The following CHN2 variants were observed in gnomAD, a reference collection of about 807,000 sequenced individuals.
The protein encoded by CHN2 is chimerin 2.
CHN2 carries 35 observed loss-of-function variants against 56.3 expected under a neutral mutation model. The ratio of observed to expected loss-of-function variants is 0.62; its 90% confidence interval spans 0.47 to 0.82. The LOEUF is 0.82. CHN2 is among the 40% of genes least tolerant of loss of function. The pLI is 0.00. For synonymous variants in CHN2, 210 were observed against 212.8 expected (o/e 0.99, Z 0.12); for missense variants, 491 against 580.5 (o/e 0.85, Z 1.58).
At chr7:29,484,082 A>G (rs911386972) in intron 7 of CHN2, 1 of 412,798 alleles carries the variant, frequency 2.4e-6, no homozygotes, top group African/African-American at 2.1e-5. Context: ...TCTCTTCTTC[A>G]TGGCTTTTTT....
intron 1 of CHN2, among the ~76,000 whole-genome samples, chr7:29,329,991 C>G (rs1448656181): frequency 6.6e-6 from 1 of 152,144 alleles, no homozygotes; most frequent in Non-Finnish European, 1.5e-5. Flanking sequence ...TGTTAATTCT[C>G]TTTTTATGCT....
intron 1 of CHN2, among the ~76,000 whole-genome samples, chr7:29,296,346 A>G (rs576333388): frequency 6.6e-6 from 1 of 152,318 alleles, no homozygotes; most frequent in South Asian, 2.1e-4. Flanking sequence ...TGGCCTCCCA[A>G]AGTGCTGGGA....
chr7:29,401,013 C>G, intron 6 of CHN2, 185 bp downstream of exon 6: 2 of 616,996 alleles, frequency 3.2e-6, no homozygotes, highest in South Asian at 4.1e-5. Context: ...GTGGCTCATG[C>G]CTGTAATCTC....
rs1801948626 is a variant in CHN2 at position 29,398,558 on chromosome 7, A to G, written c.290+72A>G. 7.4e-6 allele frequency: 7 copies of G among 944,870 alleles called. No individual in the cohort carries two copies. The Admixed American group carries it at 1.2e-4, about 17-fold the overall frequency. 58.5% of individuals were successfully genotyped at this position (944,870 alleles called of 1,614,324 possible). Reference sequence around the variant, plus strand: ...CACTGATGTTTGCCCATTTTTAAGAATTGTAGCAGAGTATACATAACACAA... The same window carrying G: ...CACTGATGTTTGCCCATTTTTAAGAGTTGTAGCAGAGTATACATAACACAA... On this transcript the variant is annotated intron_variant, in intron 5 of 12. Coordinates refer to ENST00000222792, the MANE Select transcript of CHN2 (RefSeq NM_004067.4).
chr7:29,258,143 G>C (rs12112384), intron 1 of CHN2, among the ~76,000 whole-genome samples: 2,467 of 151,958 alleles, frequency 0.016, 64 homozygotes, highest in African/African-American at 0.057. Context: ...ACAGATTTTT[G>C]GTGGTCCCTA....
intron 1 of CHN2, among the ~76,000 whole-genome samples, chr7:29,302,273 T>TTCC (rs34157871): frequency 0.7 from 106,494 of 151,236 alleles, 37,648 homozygotes; most frequent in African/African-American, 0.76. Context: ...CTCCCTCTTC[T>TTCC]TCCTCCTCTT....
At chr7:29,251,628 C>T (rs1432786560) in intron 1 of CHN2, among the ~76,000 whole-genome samples, 1 of 152,084 alleles carries the variant, frequency 6.6e-6, no homozygotes, top group Non-Finnish European at 1.5e-5. Context: ...AACACTTACA[C>T]AGAATTTCAG....
intron 1 of CHN2, among the ~76,000 whole-genome samples, chr7:29,314,840 GTTTA>G (rs1585037331): frequency 1.3e-5 from 2 of 151,376 alleles, no homozygotes; most frequent in African/African-American, 2.4e-5. Context: ...CTTATAAGCT[GTTTA>G]TTTATGTTTA....
intron 2 of CHN2, among the ~76,000 whole-genome samples, chr7:29,175,118 C>G (rs934241954): frequency 6.6e-6 from 1 of 151,842 alleles, no homozygotes; most frequent in African/African-American, 2.4e-5. Context: ...GTGCTTCCCC[C>G]ATACTGTTCT....
In CHN2 at chr7:29,512,945, T is replaced by G. The variant is rs1791663997; in HGVS notation, c.*210T>G. Reference sequence around the variant, plus strand: ...GTGAAGGTGAGGGAAGCCCCTCACCTTGGGTCTTTTGCTGTGCCTCCTATG... The same window carrying G: ...GTGAAGGTGAGGGAAGCCCCTCACCGTGGGTCTTTTGCTGTGCCTCCTATG... On this transcript the variant is annotated 3_prime_UTR_variant, in exon 13 of 13. Transcript: ENST00000222792. 1 of 476,122 alleles carries G rather than the reference T, an allele frequency of 2.1e-6. No homozygotes were observed. The highest frequency in any genetic ancestry group is 3.8e-5 in the Admixed American group (1 of 26,400). The allele number at this position is 476,122 out of a possible 1,614,324, so 29.5% of individuals were successfully genotyped here. A position where few individuals can be genotyped will look rare whatever the true frequency, so the allele number is the denominator to read the frequency against.
rs144015556 is a variant in CHN2 at position 29,310,827 on chromosome 7, C to A, written c.50-43798C>A. On this transcript the variant is annotated intron_variant, in intron 1 of 12. Transcript: ENST00000222792. ...ATTTCTGGGGGCTCCACCCTCATGA[C>A]CTAATCATCTCCCAAAAGCCCCTCC... Among the ~76,000 whole-genome samples the A allele has an allele frequency of 2.3e-3, 344 of 152,274 alleles. 1 individual carries two copies. Among genetic ancestry groups the A allele is most frequent in the African/African-American group, 8.0e-3 (332 of 41,548 alleles).
upstream of CHN2, among the ~76,000 whole-genome samples, chr7:29,190,336 A>G (rs1782730294): frequency 6.6e-6 from 1 of 152,142 alleles, no homozygotes; most frequent in South Asian, 2.1e-4. Context: ...CCACCACTGG[A>G]TTAATCTTGA....
At chr7:29,387,624 G>A (rs1167777600) in intron 3 of CHN2, among the ~76,000 whole-genome samples, 1 of 152,184 alleles carries the variant, frequency 6.6e-6, no homozygotes, top group Admixed American at 6.5e-5. Context: ...TGCTGGCCCC[G>A]TGATCACACT....
In CHN2 at chr7:29,361,054, G is replaced by A. The variant is rs903116679; in HGVS notation, c.88+6391G>A. On this transcript the variant is annotated intron_variant, in intron 2 of 12. Transcript: ENST00000222792. ...TTCTCTGGTGTGCGGCAGAGGGCCC[G>A]GGGCTGGGAATTCCTGGCACATATT... 4.6e-5 allele frequency among the ~76,000 whole-genome samples: 7 copies of A among 152,188 alleles called. No individual in the cohort carries two copies. The East Asian group carries it at 5.8e-4, about 13-fold the overall frequency.
At chr7:29,480,248 GC>G (rs1787028000) in intron 6 of CHN2, 30 bp from the exon 7 acceptor site, 1 of 1,614,016 alleles carries the variant, frequency 6.2e-7, no homozygotes, top group Non-Finnish European at 8.5e-7. Context: ...GCTTTCTTTG[GC>G]CCCCTCTCAA....
chr7:29,216,222 G>A (rs1785328737), intron 1 of CHN2, among the ~76,000 whole-genome samples: 1 of 152,220 alleles, frequency 6.6e-6, no homozygotes. Flanking sequence ...AATTTCCAGA[G>A]ACATGGAGAC....
At chr7:29,490,172 C>T (rs1022558620) in intron 7 of CHN2, among the ~76,000 whole-genome samples, 3 of 151,474 alleles carry the variant, frequency 2.0e-5, no homozygotes, top group Non-Finnish European at 2.9e-5. Context: ...AACCTAAGCC[C>T]ACCTTCATTG....
chr7:29,210,858 A>G (rs1784862956), intron 1 of CHN2, among the ~76,000 whole-genome samples: 1 of 152,074 alleles, frequency 6.6e-6, no homozygotes, highest in Admixed American at 6.5e-5. Flanking sequence ...GCAGAGTCCC[A>G]ATGCGAGAGT....
At chr7:29,420,244 A>G (rs995941854) in intron 6 of CHN2, among the ~76,000 whole-genome samples, 7 of 152,220 alleles carry the variant, frequency 4.6e-5, no homozygotes, top group African/African-American at 1.4e-4. Flanking sequence ...TAGAATCACC[A>G]TATGATCTAA....
Sources: allele counts gnomAD v4.1 joint callset (sites outside exome capture counted in the v4.1 genomes callset), GRCh38; gene constraint gnomAD v4.1.1; transcripts MANE v1.5; gene names NCBI Gene and HGNC (gene_info 2026-07-23, HGNC 2026-07-21).